MFSD8: variants seen among roughly 807,000 people sequenced by gnomAD.
MFSD8 encodes major facilitator superfamily domain containing 8.
A neutral mutation model predicts 66.4 loss-of-function variants in MFSD8; 55 were observed. That is an observed-to-expected ratio of 0.83 (90% confidence interval 0.67 to 1.04). The LOEUF (loss-of-function observed/expected upper bound fraction) is 1.04, where lower values mean the gene tolerates loss of function less well. Among genes scored for constraint, MFSD8 ranks in the 50% least tolerant of loss-of-function variants. MFSD8 has a pLI of 0.00. For missense variants in MFSD8, 550 were observed against 627.6 expected (o/e 0.88, Z 1.32); for synonymous variants, 202 against 212.8 (o/e 0.95, Z 0.44).
chr4:127,932,641 T>C (rs532728498), intron 8 of MFSD8: 48 of 170,278 alleles, frequency 2.8e-4, no homozygotes, highest in Non-Finnish European at 5.4e-4. Context: ...TTGAATCATA[T>C]ATATATATAC....
Position 127,939,465 on chromosome 4 carries a change from A to G in MFSD8, c.698+388T>C, listed in dbSNP as rs868738820. The G allele has an allele frequency of 2.0e-4, 34 of 167,964 alleles. 1 individual carries two copies. In the Middle Eastern group the frequency reaches 9.1e-3, roughly 45 times the overall value. The allele number at this position is 167,964 out of a possible 1,614,324, so 10.4% of individuals were successfully genotyped here. On this transcript the variant is annotated intron_variant, in intron 6 of 11. Transcript: ENST00000641686. ...ACATGGTGAAACAAAAATTAGCTGG[A>G]TGTGTTGGCATGCACCTGTAGCCCC...
chr4:127,958,379 C>A (rs1364236136), intron 1 of MFSD8, among the ~76,000 whole-genome samples: 1 of 151,984 alleles, frequency 6.6e-6, no homozygotes, highest in African/African-American at 2.4e-5. Flanking sequence ...GCAGAACAGA[C>A]AAAATGCCTT....
intron 2 of MFSD8, among the ~76,000 whole-genome samples, chr4:127,950,326 C>T (rs984042452): frequency 3.3e-5 from 5 of 152,154 alleles, no homozygotes; most frequent in Non-Finnish European, 7.4e-5. Flanking sequence ...AAAGAAAATT[C>T]ACTATTTCTG....
At chr4:127,932,460 G>A (rs1199603293) in intron 8 of MFSD8, 1 of 152,560 alleles carries the variant, frequency 6.6e-6, no homozygotes, top group Non-Finnish European at 1.5e-5. Context: ...TAGAAATACA[G>A]TTGTAATATT....
chr4:127,930,263 G>A (rs1484503462), intron 9 of MFSD8, among the ~76,000 whole-genome samples: 2 of 151,962 alleles, frequency 1.3e-5, no homozygotes, highest in Admixed American at 1.3e-4. Context: ...GTGTTGTGTG[G>A]TCTGGGAAAT....
chr4:127,963,600 G>A (rs1300353346), intron 1 of MFSD8, among the ~76,000 whole-genome samples: 7 of 152,086 alleles, frequency 4.6e-5, no homozygotes, highest in Non-Finnish European at 1.0e-4. Flanking sequence ...CTCTTAAGGC[G>A]GCGCGTCTGG....
intron 1 of MFSD8, among the ~76,000 whole-genome samples, chr4:127,959,765 A>C (rs1168265387): frequency 1.3e-5 from 2 of 152,152 alleles, no homozygotes; most frequent in Non-Finnish European, 2.9e-5. Flanking sequence ...AAAAAGATTT[A>C]CTTTTTCCTT....
rs1409851571 is a variant in MFSD8 at position 127,919,630 on chromosome 4, C to T, written c.*1000G>A. Reference sequence around the variant, plus strand: ...TGACTAGTTTGGGGCTGTCAGGGATCATCCAAATTAAAAATCCAACTAAAA... The same window carrying T: ...TGACTAGTTTGGGGCTGTCAGGGATTATCCAAATTAAAAATCCAACTAAAA... On this transcript the variant is annotated 3_prime_UTR_variant, in exon 12 of 12. Coordinates refer to ENST00000641686, the MANE Select transcript of MFSD8 (RefSeq NM_001371596.2). 1 of 151,978 alleles carries T rather than the reference C, an allele frequency of 6.6e-6. No homozygotes were observed. The highest frequency in any genetic ancestry group is 1.5e-5 in the Non-Finnish European group (1 of 68,012). 9.4% of individuals were successfully genotyped at this position (151,978 alleles called of 1,614,324 possible). A position where few individuals can be genotyped will look rare whatever the true frequency, so the allele number is the denominator to read the frequency against.
At chr4:127,939,754 A>C in intron 6 of MFSD8, 99 bp downstream of exon 6, 2 of 1,358,094 alleles carry the variant, frequency 1.5e-6, no homozygotes, top group South Asian at 2.7e-5. Context: ...GACATAAAAA[A>C]CTACGTACAC....
At chr4:127,955,685 C>T in intron 2 of MFSD8, among the ~76,000 whole-genome samples, 1 of 152,126 alleles carries the variant, frequency 6.6e-6, no homozygotes, top group East Asian at 1.9e-4. Flanking sequence ...TGCTCTCCCC[C>T]TTTCTGCCTG....
chr4:127,930,489 T>C (rs1578839098), intron 9 of MFSD8, among the ~76,000 whole-genome samples, 194 bp downstream of exon 9: 1 of 152,202 alleles, frequency 6.6e-6, no homozygotes, highest in East Asian at 1.9e-4. Context: ...GTCAATTATA[T>C]ACTTTGTGAG....
chr4:127,942,990 G>A lies in MFSD8; in HGVS notation c.439+762C>T, dbSNP rs368825325. On this transcript the variant is annotated intron_variant, in intron 4 of 11. Transcript: ENST00000641686. The stretch of plus-strand genomic sequence containing the variant: ...TCCCAGCACTTTGGGAGGCCGAGGC[G>A]AGTGGATCACGAGGTCAGGAGTTCA... Among the ~76,000 whole-genome samples, 644 of 151,812 alleles carry A rather than the reference G, an allele frequency of 4.2e-3. 5 individuals carry two copies. Among genetic ancestry groups the A allele is most frequent in the Non-Finnish European group, 5.4e-3 (364 of 67,932 alleles).
intron 6 of MFSD8, chr4:127,939,170 T>A (rs1406287400): frequency 5.7e-6 from 1 of 174,074 alleles, no homozygotes; most frequent in Admixed American, 6.2e-5. Flanking sequence ...AAATAAAACA[T>A]AATTTTAAAA....
chr4:127,963,150 C>A (rs895513839), intron 1 of MFSD8, among the ~76,000 whole-genome samples: 2 of 152,144 alleles, frequency 1.3e-5, no homozygotes, highest in Non-Finnish European at 2.9e-5. Context: ...TCCTTTAATG[C>A]CTTAAAATTA....
intron 9 of MFSD8, among the ~76,000 whole-genome samples, chr4:127,929,117 C>T (rs1241322025): frequency 1.3e-5 from 2 of 150,836 alleles, no homozygotes; most frequent in Non-Finnish European, 3.0e-5. Flanking sequence ...GTCAGGAGAT[C>T]GAGACCATCC....
rs1212604609 is a variant in MFSD8 at position 127,918,754 on chromosome 4, A to G, written c.*1876T>C. The G allele has an allele frequency of 6.6e-6, 1 of 152,208 alleles. No individual in the cohort carries two copies. Among genetic ancestry groups the G allele is most frequent in the East Asian group, 1.9e-4 (1 of 5,208 alleles). The allele number at this position is 152,208 out of a possible 1,614,324, so 9.4% of individuals were successfully genotyped here. On this transcript the variant is annotated 3_prime_UTR_variant, in exon 12 of 12. Coordinates refer to ENST00000641686, the MANE Select transcript of MFSD8 (RefSeq NM_001371596.2). ...TTCTTTCATCTGTAAAACGGGAATC[A>G]TAATAGTATTTTCACTCCATAAGAC... is the stretch of plus-strand genomic sequence containing the variant.
intron 2 of MFSD8, among the ~76,000 whole-genome samples, chr4:127,955,241 G>A (rs936494125): frequency 1.3e-5 from 2 of 152,058 alleles, no homozygotes; most frequent in African/African-American, 4.8e-5. Context: ...AATGTCCATC[G>A]ACAGATAAAT....
chr4:127,918,485 TC>T lies in MFSD8; in HGVS notation c.*2144del, dbSNP rs1736042873. The T allele has an allele frequency of 2.0e-5, 3 of 152,336 alleles. No individual in the cohort carries two copies. Among genetic ancestry groups the T allele is most frequent in the African/African-American group, 7.2e-5 (3 of 41,582 alleles). The allele number at this position is 152,336 out of a possible 1,614,324, so 9.4% of individuals were successfully genotyped here. On this transcript the variant is annotated 3_prime_UTR_variant, in exon 12 of 12. Transcript: ENST00000641686. The stretch of plus-strand genomic sequence containing the variant: ...ACCTTTGAAAGCTGGGAAACTTTTT[TC>T]TGTTATATTCTTGCTGGAAACAGGT...
At chr4:127,963,365 C>G (rs1744130621) in intron 1 of MFSD8, among the ~76,000 whole-genome samples, 1 of 152,190 alleles carries the variant, frequency 6.6e-6, no homozygotes, top group African/African-American at 2.4e-5. Context: ...GCAGAAGATA[C>G]AGAATGTGGT....
Sources: allele counts gnomAD v4.1 joint callset (sites outside exome capture counted in the v4.1 genomes callset), GRCh38; gene constraint gnomAD v4.1.1; transcripts MANE v1.5; gene names NCBI Gene and HGNC (gene_info 2026-07-23, HGNC 2026-07-21).